KCTD14: variants seen among roughly 807,000 people sequenced by gnomAD.
KCTD14 encodes the protein potassium channel tetramerization domain containing 14.
In KCTD14, 7 loss-of-function variants were observed where a neutral mutation model predicts 5.9. The ratio of observed to expected loss-of-function variants is 1.19; its 90% confidence interval spans 0.68 to 2.23. The LOEUF (loss-of-function observed/expected upper bound fraction) is 2.23. Among genes scored for constraint, KCTD14 ranks in the 30% most tolerant of loss-of-function variants. The pLI is 0.00. For synonymous variants in KCTD14, 140 were observed against 133.1 expected, an observed-to-expected ratio of 1.05 and a Z score of -0.36; for missense variants, 342 against 332.2, an observed-to-expected ratio of 1.03 and a Z score of -0.23.
At chr11:78,045,653 AGAT>A (rs1858114653) in intron 1 of KCTD14, among the ~76,000 whole-genome samples, 1 of 152,246 alleles carries the variant, frequency 6.6e-6, no homozygotes, top group Non-Finnish European at 1.5e-5. Context: ...GTTAAAGGCA[AGAT>A]GAGGGTTGGT....
At chr11:78,034,917 T>A (rs184065681) in intron 2 of KCTD14, among the ~76,000 whole-genome samples, 1 of 152,220 alleles carries the variant, frequency 6.6e-6, no homozygotes, top group Admixed American at 6.5e-5. Flanking sequence ...CCCTCTTCTT[T>A]ACTCTCTACC....
chr11:78,016,532 G>T lies in KCTD14; in HGVS notation c.*61C>A. ...TGTGAAATTAAAAGAAAATGGCTTT[G>T]ATGGCAACTTTTAATTTCATAAGCC... On this transcript the variant is annotated 3_prime_UTR_variant, in exon 2 of 2. Transcript: ENST00000353172. The T allele has an allele frequency of 1.4e-6, 2 of 1,449,878 alleles. No homozygotes were observed. Among genetic ancestry groups the T allele is most frequent in the Non-Finnish European group, 1.9e-6 (2 of 1,061,270 alleles). The allele number at this position is 1,449,878 out of a possible 1,614,324, so 89.8% of individuals were successfully genotyped here.
Position 78,017,201 on chromosome 11 carries a change from A to T in KCTD14, c.160T>A (p.Phe54Ile). Residue 54 changes from phenylalanine to isoleucine, a missense_variant, in exon 2 of 2, where the codon TTT becomes ATT. By Grantham distance (21) the Phe-to-Ile change is conservative (BLOSUM62 0). Transcript: ENST00000353172. ...ATCTCTGCCAGCTTTGAGCCCGGAA[A>T]CTTCCTCAGGGTACCCAGGGTGGTG... Reference protein sequence around the residue: ...HTTTLGTLRKFPGSKLAEMFS... With the variant: ...HTTTLGTLRKIPGSKLAEMFS... 5 of 1,613,490 alleles carry T rather than the reference A, an allele frequency of 3.1e-6. No homozygotes were observed. In the South Asian group the frequency reaches 5.5e-5, roughly 18 times the overall value.
intron 2 of KCTD14, among the ~76,000 whole-genome samples, chr11:78,032,386 A>T (rs1232521894): frequency 6.6e-6 from 1 of 152,256 alleles, no homozygotes; most frequent in Non-Finnish European, 1.5e-5. Context: ...TGCAAGGCAC[A>T]GGAGTCAAGA....
Position 78,016,526 on chromosome 11 carries a change from G to A in KCTD14, c.*67C>T. ...GATGTTTGTGAAATTAAAAGAAAAT[G>A]GCTTTGATGGCAACTTTTAATTTCA... is the stretch of plus-strand genomic sequence containing the variant. On this transcript the variant is annotated 3_prime_UTR_variant, in exon 2 of 2. Coordinates refer to ENST00000353172, the MANE Select transcript of KCTD14 (RefSeq NM_023930.4). 7.3e-7 allele frequency: 1 copy of A among 1,372,006 alleles called. No individual in the cohort carries two copies. Among genetic ancestry groups the A allele is most frequent in the African/African-American group, 1.4e-5 (1 of 69,248 alleles). 85.0% of individuals were successfully genotyped at this position (1,372,006 alleles called of 1,614,324 possible).
chr11:78,018,741 G>A (rs1419469049), intron 1 of KCTD14, among the ~76,000 whole-genome samples: 3 of 152,036 alleles, frequency 2.0e-5, no homozygotes, highest in African/African-American at 2.4e-5. Flanking sequence ...GTAAAATGGG[G>A]ACGTGGAGTT....
intron 2 of KCTD14, among the ~76,000 whole-genome samples, chr11:78,031,370 T>G (rs2372896): frequency 0.071 from 10,731 of 151,956 alleles, 1,221 homozygotes; most frequent in African/African-American, 0.25. Context: ...TATTTGTTTA[T>G]TTTTTAAAAT....
chr11:78,028,779 G>C (rs1446174552), intron 2 of KCTD14, among the ~76,000 whole-genome samples: 10 of 152,008 alleles, frequency 6.6e-5, no homozygotes, highest in Non-Finnish European at 1.5e-5. Context: ...CATCTCTGCA[G>C]ACAATACAAA....
chr11:78,040,560 G>A (rs980563613), intron 1 of KCTD14, among the ~76,000 whole-genome samples: 3 of 151,316 alleles, frequency 2.0e-5, no homozygotes, highest in South Asian at 2.1e-4. Context: ...CTGTCTCTTC[G>A]GTGGCTGTCT....
chr11:78,023,420 C>T (rs1332041742), upstream of KCTD14: 5 of 607,288 alleles, frequency 8.2e-6, no homozygotes, highest in East Asian at 1.2e-4. Flanking sequence ...TTGTTAGGCC[C>T]TGAGAAGGGC....
intron 1 of KCTD14, among the ~76,000 whole-genome samples, chr11:78,040,888 T>A (rs1240760917): frequency 6.6e-6 from 1 of 152,174 alleles, no homozygotes; most frequent in Non-Finnish European, 1.5e-5. Context: ...CAAGCTGGTC[T>A]CCAACTCCTG....
At chr11:78,035,106 C>T (rs573893513) in intron 2 of KCTD14, among the ~76,000 whole-genome samples, 9 of 152,264 alleles carry the variant, frequency 5.9e-5, no homozygotes, top group East Asian at 5.8e-4. Context: ...TTTTGACTTA[C>T]GCCACTTTAC....
At chr11:78,043,158 C>T (rs557495804) in intron 1 of KCTD14, among the ~76,000 whole-genome samples, 2 of 152,336 alleles carry the variant, frequency 1.3e-5, no homozygotes, top group Admixed American at 1.3e-4. Context: ...CTCTGTTACA[C>T]TTTTAAATGC....
intron 2 of KCTD14, among the ~76,000 whole-genome samples, chr11:78,032,242 G>A (rs1473767749): frequency 6.6e-6 from 1 of 152,218 alleles, no homozygotes; most frequent in Non-Finnish European, 1.5e-5. Flanking sequence ...GAGGGAGCAG[G>A]CAGCCAGAGC....
intron 2 of KCTD14, chr11:78,038,525 C>A: frequency 1.0e-6 from 1 of 971,636 alleles, no homozygotes; most frequent in Non-Finnish European, 1.5e-6. Context: ...AGGAATCAAC[C>A]GCACCCCATC....
At chr11:78,038,373 G>A (rs1857879439) in intron 2 of KCTD14, among the ~76,000 whole-genome samples, 1 of 152,158 alleles carries the variant, frequency 6.6e-6, no homozygotes, top group Non-Finnish European at 1.5e-5. Flanking sequence ...GATGGCCTCT[G>A]GCCTGCAGGG....
intron 1 of KCTD14, among the ~76,000 whole-genome samples, chr11:78,019,339 C>T (rs959104335): frequency 6.6e-6 from 1 of 151,902 alleles, no homozygotes; most frequent in South Asian, 2.1e-4. Context: ...TTAAGAGATG[C>T]GGTCTTGCTC....
At chr11:78,023,452 G>A (rs2136714303), upstream of KCTD14, 24 of 573,940 alleles carry the variant, frequency 4.2e-5, no homozygotes, top group South Asian at 4.7e-4. Context: ...ACCGAGAAAT[G>A]GAGCAGACCC....
chr11:78,039,123 T>C (rs1237216549), intron 1 of KCTD14, among the ~76,000 whole-genome samples: 1 of 150,668 alleles, frequency 6.6e-6, no homozygotes, highest in East Asian at 1.9e-4. Context: ...AGGGTTGGGC[T>C]GAACTGAATT....
Sources: gnomAD v4.1 joint callset for allele counts (sites outside exome capture counted in the v4.1 genomes callset) on GRCh38, gnomAD v4.1.1 for gene constraint, MANE v1.5 for transcripts, NCBI Gene and HGNC (gene_info 2026-07-23, HGNC 2026-07-21) for gene names.